The following DDX10 variants were observed in gnomAD, a reference collection of about 807,000 sequenced individuals.
DDX10 encodes probable ATP-dependent RNA helicase DDX10.
In DDX10, 74 loss-of-function variants were observed where a neutral mutation model predicts 104.3. The observed-to-expected ratio is 0.71, with a 90% CI of 0.59 to 0.86. The LOEUF (loss-of-function observed/expected upper bound fraction) is 0.86. Among genes scored for constraint, DDX10 ranks in the 40% least tolerant of loss-of-function variants. DDX10 has a pLI of 0.00. For synonymous variants in DDX10, 351 were observed against 353.4 expected, an observed-to-expected ratio of 0.99 and a Z score of 0.08; for missense variants, 952 against 1,040.0, an observed-to-expected ratio of 0.92 and a Z score of 1.16.
At chr11:108,668,963 G>T (rs574423632) in intron 1 of DDX10, among the ~76,000 whole-genome samples, 1 of 152,276 alleles carries the variant, frequency 6.6e-6, no homozygotes, top group Non-Finnish European at 1.5e-5. Flanking sequence ...TCCTCCTGGT[G>T]GTTGCAGCCT....
At position 108,863,074 on chromosome 11, in the gene DDX10, T is replaced by C. The variant is rs115537523; in HGVS notation, c.2304+10865T>C. 4.4e-3 allele frequency among the ~76,000 whole-genome samples: 668 copies of C among 152,342 alleles called. 5 individuals are homozygous for C. Among genetic ancestry groups the C allele is most frequent in the African/African-American group, 0.016 (647 of 41,568 alleles). On this transcript the variant is annotated intron_variant, in intron 16 of 17. Coordinates refer to ENST00000322536, the MANE Select transcript of DDX10 (RefSeq NM_004398.4). The stretch of plus-strand genomic sequence containing the variant: ...TCTTACCATAGATTCTGGTTATTTA[T>C]TTATTTTTCCATGCGCATCTTATGT...
At position 108,815,053 on chromosome 11, in the gene DDX10, T is replaced by C. The variant is rs1297612319; in HGVS notation, c.1966-23393T>C. On this transcript the variant is annotated intron_variant, in intron 13 of 17. Coordinates refer to ENST00000322536, the MANE Select transcript of DDX10 (RefSeq NM_004398.4). The stretch of plus-strand genomic sequence containing the variant: ...ATTTTAAAATTTTTATCAGCAATTC[T>C]TATCTTATGAATAATAAATGTTGCC... Among the ~76,000 whole-genome samples, 4 of 152,312 alleles carry C rather than the reference T, an allele frequency of 2.6e-5. No homozygotes were observed. The East Asian group carries it at 7.7e-4, about 29-fold the overall frequency.
intron 9 of DDX10, among the ~76,000 whole-genome samples, chr11:108,705,499 C>A (rs1309963640): frequency 2.6e-5 from 4 of 152,146 alleles, no homozygotes; most frequent in Admixed American, 2.0e-4. Context: ...TTAGCACCTA[C>A]TTATTTACTG....
chr11:108,786,773 C>A (rs1046649269), intron 13 of DDX10, among the ~76,000 whole-genome samples: 1 of 152,172 alleles, frequency 6.6e-6, no homozygotes, highest in African/African-American at 2.4e-5. Context: ...AGGCACCAGA[C>A]AGTTGGGTCT....
chr11:108,938,649 C>G (rs1176341041), intron 17 of DDX10, among the ~76,000 whole-genome samples: 1 of 152,190 alleles, frequency 6.6e-6, no homozygotes, highest in Non-Finnish European at 1.5e-5. Context: ...ACAGGGAACT[C>G]TTTCATGTTC....
intron 16 of DDX10, among the ~76,000 whole-genome samples, chr11:108,859,123 G>C (rs773402926): frequency 1.3e-5 from 2 of 152,152 alleles, no homozygotes; most frequent in Non-Finnish European, 2.9e-5. Flanking sequence ...ATCCAGGTCG[G>C]ATTGCACTCC....
chr11:108,821,233 G>A (rs1862321823), intron 13 of DDX10, among the ~76,000 whole-genome samples: 1 of 152,170 alleles, frequency 6.6e-6, no homozygotes, highest in Admixed American at 6.5e-5. Flanking sequence ...ATTCAGCAGT[G>A]AATCTTAACA....
chr11:108,678,453 C>A lies in DDX10; in HGVS notation c.658+18C>A. Reference sequence around the variant, plus strand: ...AATGTTAGGTGAGTCAAATCAATTTCTAATTTAAAAAAAAAAAAAGCTCAG... The same window carrying A: ...AATGTTAGGTGAGTCAAATCAATTTATAATTTAAAAAAAAAAAAAGCTCAG... On this transcript the variant is annotated intron_variant, in intron 5 of 17. Coordinates refer to ENST00000322536, the MANE Select transcript of DDX10 (RefSeq NM_004398.4). The A allele has an allele frequency of 6.5e-7, 1 of 1,541,436 alleles. No individual in the cohort carries two copies. Among genetic ancestry groups the A allele is most frequent in the African/African-American group, 1.4e-5 (1 of 70,714 alleles).
At chr11:108,685,417 C>T (rs1209624067) in intron 6 of DDX10, among the ~76,000 whole-genome samples, 1 of 151,594 alleles carries the variant, frequency 6.6e-6, no homozygotes, top group Non-Finnish European at 1.5e-5. Context: ...ACACACTGGC[C>T]TGCGCCCACT....
chr11:108,737,309 C>T (rs1397249481), intron 13 of DDX10, among the ~76,000 whole-genome samples: 1 of 152,176 alleles, frequency 6.6e-6, no homozygotes, highest in Non-Finnish European at 1.5e-5. Flanking sequence ...AGCAGATCAT[C>T]AATCTCTGGA....
At chr11:108,743,647 G>A (rs1283380841) in intron 13 of DDX10, among the ~76,000 whole-genome samples, 1 of 152,192 alleles carries the variant, frequency 6.6e-6, no homozygotes, top group African/African-American at 2.4e-5. Context: ...CCGCACTTAA[G>A]TTTTGGACCT....
chr11:108,788,903 T>C (rs1861832648), intron 13 of DDX10, among the ~76,000 whole-genome samples: 1 of 152,194 alleles, frequency 6.6e-6, no homozygotes, highest in Non-Finnish European at 1.5e-5. Context: ...TCCTAGGCCA[T>C]GAAGGAGCCC....
Position 108,817,798 on chromosome 11 carries a change from A to G in DDX10, c.1966-20648A>G, listed in dbSNP as rs1229954792. Among the ~76,000 whole-genome samples the G allele has an allele frequency of 2.6e-5, 4 of 152,248 alleles. No homozygotes were observed. In the East Asian group the frequency reaches 7.7e-4, roughly 29 times the overall value. On this transcript the variant is annotated intron_variant, in intron 13 of 17. Coordinates refer to ENST00000322536, the MANE Select transcript of DDX10 (RefSeq NM_004398.4). ...AGGGCATGCAAAGTACAGATAGAAT[A>G]GGAATGACTGATGGGAAACTTAATA...
chr11:108,754,023 T>G (rs1007235184), intron 13 of DDX10, among the ~76,000 whole-genome samples: 8 of 152,054 alleles, frequency 5.3e-5, no homozygotes, highest in Non-Finnish European at 1.2e-4. Flanking sequence ...ATTTATCTTT[T>G]GCATTTAGTG....
chr11:108,886,332 A>C (rs1201366326), intron 16 of DDX10, among the ~76,000 whole-genome samples: 2 of 152,218 alleles, frequency 1.3e-5, no homozygotes, highest in African/African-American at 4.8e-5. Context: ...AGCTTAGGTA[A>C]AATACATAAA....
At chr11:108,909,633 ACCCGTGAATTTGTAGT>A (rs1449270018) in intron 16 of DDX10, among the ~76,000 whole-genome samples, 2 of 152,148 alleles carry the variant, frequency 1.3e-5, no homozygotes, top group African/African-American at 4.8e-5. Flanking sequence ...GCCTGTGGGA[ACCCGTGAATTTGTAGT>A]CTACTGGCCA....
chr11:108,839,857 G>C (rs778843327), intron 14 of DDX10, among the ~76,000 whole-genome samples: 2 of 152,182 alleles, frequency 1.3e-5, no homozygotes, highest in African/African-American at 2.4e-5. Flanking sequence ...ACTGTAAAAT[G>C]AGATGAGTGC....
intron 13 of DDX10, among the ~76,000 whole-genome samples, chr11:108,808,688 C>T (rs894733152): frequency 6.6e-6 from 1 of 152,072 alleles, no homozygotes; most frequent in Non-Finnish European, 1.5e-5. Flanking sequence ...AAAAGATTTA[C>T]TCATCTACCC....
intron 13 of DDX10, among the ~76,000 whole-genome samples, chr11:108,818,004 T>C (rs1862277686): frequency 6.6e-6 from 1 of 152,236 alleles, no homozygotes; most frequent in South Asian, 2.1e-4. Context: ...TAGTGAATTT[T>C]ATACAGCAGT....
Sources: allele counts gnomAD v4.1 joint callset (sites outside exome capture counted in the v4.1 genomes callset), GRCh38; gene constraint gnomAD v4.1.1; transcripts MANE v1.5; gene names NCBI Gene and HGNC (gene_info 2026-07-23, HGNC 2026-07-21).